Variants in CHUK observed in about 807,000 individuals in gnomAD.
The protein encoded by CHUK is inhibitor of nuclear factor kappa-B kinase subunit alpha.
Under a neutral mutation model 104.8 loss-of-function variants are expected in CHUK, and 35 were observed. The observed-to-expected ratio is 0.33, with a 90% CI of 0.26 to 0.44. The LOEUF (loss-of-function observed/expected upper bound fraction) is 0.44, where lower values mean the gene tolerates loss of function less well. Among genes scored for constraint, CHUK ranks in the 20% least tolerant of loss-of-function variants. The pLI is 1.00. For synonymous variants in CHUK, 276 were observed against 291.9 expected (o/e 0.95, Z 0.56); for missense variants, 663 against 902.7 (o/e 0.73, Z 3.40).
chr10:100,193,991 A>G lies in CHUK; in HGVS notation c.1967T>C (p.Ile656Thr). The change falls in exon 18 of 21, where the codon ATT becomes ACT. Residue 656 changes from isoleucine (I) to threonine (T), a missense_variant. Physicochemically the swap from Ile to Thr is moderately conservative, Grantham distance 89 (BLOSUM62 -1). Around this residue, in one of 5 missense-constraint regions of CHUK, gnomAD observed 311 missense variants for 393.4 expected, o/e 0.79. Coordinates refer to ENST00000370397, the MANE Select transcript of CHUK (RefSeq NM_001278.5). ...TCATTAATAATTACTTACACAGGCA[A>G]TTTTAAGGAGATGCCATATTTCTTT... ...RQKEIWHLLKIACTQSSARSL... is the reference protein window; with the variant it reads ...RQKEIWHLLKTACTQSSARSL... 6.2e-7 allele frequency: 1 copy of G among 1,613,210 alleles called. No individual in the cohort carries two copies. The highest frequency in any genetic ancestry group is 8.5e-7 in the Non-Finnish European group (1 of 1,179,338).
At chr10:100,219,812 T>G (rs1469966241) in intron 5 of CHUK, among the ~76,000 whole-genome samples, 25 of 151,808 alleles carry the variant, frequency 1.6e-4, no homozygotes, top group Non-Finnish European at 3.4e-4. Flanking sequence ...TACTTAGATC[T>G]AACTTCAGGA....
intron 14 of CHUK, among the ~76,000 whole-genome samples, chr10:100,201,144 C>G (rs1316410116): frequency 6.6e-6 from 1 of 152,056 alleles, no homozygotes; most frequent in Non-Finnish European, 1.5e-5. Context: ...TTGACTGCCC[C>G]CTGGTCCCCA....
At chr10:100,201,105 G>T (rs1282294237) in intron 14 of CHUK, among the ~76,000 whole-genome samples, 1 of 152,052 alleles carries the variant, frequency 6.6e-6, no homozygotes, top group Non-Finnish European at 1.5e-5. Context: ...CAAAACCATT[G>T]GTATTACTTG....
At chr10:100,215,214 CAAAAAAAAAA>C (rs913817319) in intron 9 of CHUK, among the ~76,000 whole-genome samples, 1 of 51,586 alleles carries the variant, frequency 1.9e-5, no homozygotes, top group South Asian at 8.0e-4. Flanking sequence ...GGCTCCATAT[CAAAAAAAAAA>C]AAAAAAAAAA....
intron 18 of CHUK, 151 bp downstream of exon 18, chr10:100,193,833 A>G: frequency 1.4e-6 from 1 of 703,776 alleles, no homozygotes; most frequent in Non-Finnish European, 2.5e-6. Flanking sequence ...CTCAATTGCT[A>G]GTCTGGACAC....
chr10:100,203,998 A>G (rs1845530779), intron 13 of CHUK, among the ~76,000 whole-genome samples: 1 of 152,208 alleles, frequency 6.6e-6, no homozygotes, highest in Non-Finnish European at 1.5e-5. Context: ...CTAGATGACC[A>G]TCTTCTTGCT....
intron 2 of CHUK, among the ~76,000 whole-genome samples, chr10:100,223,505 G>A (rs1269707068): frequency 2.0e-5 from 3 of 151,950 alleles, no homozygotes; most frequent in African/African-American, 7.2e-5. Context: ...GGGTGTGGTG[G>A]CGCATGCCTA....
intron 13 of CHUK, among the ~76,000 whole-genome samples, 178 bp from the exon 14 acceptor site, chr10:100,202,327 G>A (rs1213027004): frequency 1.3e-5 from 2 of 152,166 alleles, no homozygotes; most frequent in Non-Finnish European, 1.5e-5. Context: ...TGGAAATAAG[G>A]TCATTACAGA....
chr10:100,190,805 G>T (rs1453569554), intron 20 of CHUK, 64 bp downstream of exon 20: 1 of 899,900 alleles, frequency 1.1e-6, no homozygotes, highest in African/African-American at 1.6e-5. Flanking sequence ...AGGCTAGCAT[G>T]GAAAGTTAAA....
intron 16 of CHUK, among the ~76,000 whole-genome samples, chr10:100,198,475 T>C (rs4919434): frequency 0.076 from 11,606 of 152,280 alleles, 786 homozygotes; most frequent in African/African-American, 0.18. Flanking sequence ...GCTACTAGCA[T>C]AGTTTGGCGC....
chr10:100,193,064 T>C, intron 19 of CHUK: 1 of 548,950 alleles, frequency 1.8e-6, no homozygotes, highest in Non-Finnish European at 3.3e-6. Context: ...CCCAAGCACT[T>C]TATATACATT....
At chr10:100,210,989 C>T (rs567698872) in intron 9 of CHUK, among the ~76,000 whole-genome samples, 8 of 152,354 alleles carry the variant, frequency 5.3e-5, no homozygotes, top group African/African-American at 1.7e-4. Flanking sequence ...TGCCTACATT[C>T]TCCATGCCTT....
At chr10:100,196,717 G>C (rs140648211) in intron 16 of CHUK, among the ~76,000 whole-genome samples, 1 of 152,008 alleles carries the variant, frequency 6.6e-6, no homozygotes, top group African/African-American at 2.4e-5. Context: ...TGAATGTTTT[G>C]GGTCAACAAC....
chr10:100,198,376 T>C lies in CHUK; in HGVS notation c.1729+1595A>G, dbSNP rs17884197. On this transcript the variant is annotated intron_variant, in intron 16 of 20. Transcript: ENST00000370397. The stretch of plus-strand genomic sequence containing the variant: ...CTCAAGCGTTGAGATTTAAATAAAA[T>C]AATATTTTTACTGCTTTATCAAGGA... Among the ~76,000 whole-genome samples, 417 of 152,326 alleles carry C rather than the reference T, an allele frequency of 2.7e-3. 2 individuals carry two copies. The highest frequency in any genetic ancestry group is 9.6e-3 in the African/African-American group (398 of 41,576).
At chr10:100,220,048 A>G (rs1455827870) in intron 5 of CHUK, among the ~76,000 whole-genome samples, 8 of 152,244 alleles carry the variant, frequency 5.3e-5, no homozygotes, top group Admixed American at 5.2e-4. Flanking sequence ...GGAAACAAGA[A>G]AACTGCTTAA....
Position 100,218,031 on chromosome 10 carries a change from T to C in CHUK, c.897A>G (p.Arg299=). The C allele has an allele frequency of 1.2e-6, 2 of 1,614,062 alleles. No individual in the cohort carries two copies. Among genetic ancestry groups the C allele is most frequent in the Non-Finnish European group, 1.7e-6 (2 of 1,179,964 alleles). The part of the protein sequence containing the change: ...GPVDLTLKQP[R]CFVLMDHILN... ...AAATGTGATCCATTAATACAAAACA[T>C]CTTGGCTGCTTCAAAGTAAGGTCAA... Residue 299 remains arginine, a synonymous_variant, in exon 9 of 21, where the codon AGA becomes AGG. Coordinates refer to ENST00000370397, the MANE Select transcript of CHUK (RefSeq NM_001278.5).
chr10:100,186,381 G>A, downstream of CHUK: 1 of 235,528 alleles, frequency 4.2e-6, no homozygotes, highest in Non-Finnish European at 8.1e-6. Flanking sequence ...TGTGTGGCAC[G>A]CACTTGCTTC....
At chr10:100,227,293 A>T (rs1846126377) in intron 1 of CHUK, among the ~76,000 whole-genome samples, 1 of 152,254 alleles carries the variant, frequency 6.6e-6, no homozygotes, top group Non-Finnish European at 1.5e-5. Flanking sequence ...TTCTGGAGAT[A>T]GGGTTATGGC....
Position 100,219,653 on chromosome 10 carries a change from G to A in CHUK, c.475-294C>T, listed in dbSNP as rs141656104. Among the ~76,000 whole-genome samples the A allele has an allele frequency of 2.4e-3, 359 of 152,162 alleles. 7 individuals are homozygous for A. Among genetic ancestry groups the A allele is most frequent in the East Asian group, 2.9e-3 (15 of 5,188 alleles). On this transcript the variant is annotated intron_variant, in intron 5 of 20. Transcript: ENST00000370397. ...GAAGGTAACACAGTGCTTGGTACAT[G>A]GTAAAAATTGAATACAGGTGGGCTA...
Sources: allele counts gnomAD v4.1 joint callset (sites outside exome capture counted in the v4.1 genomes callset), GRCh38; gene constraint gnomAD v4.1.1; regional missense constraint gnomAD v4.1.1; transcripts MANE v1.5; gene names NCBI Gene and HGNC (gene_info 2026-07-23, HGNC 2026-07-21).